GGT7: variants seen among roughly 807,000 people sequenced by gnomAD.
GGT7 encodes the protein glutathione hydrolase 7.
GGT7 carries 30 observed loss-of-function variants against 69.2 expected under a neutral mutation model. The ratio of observed to expected loss-of-function variants is 0.43; its 90% confidence interval spans 0.32 to 0.59. The LOEUF (loss-of-function observed/expected upper bound fraction) is 0.59, where lower values mean the gene tolerates loss of function less well. Among genes scored for constraint, GGT7 ranks in the 20% least tolerant of loss-of-function variants. The pLI is 0.05. For synonymous variants in GGT7, 388 were observed against 391.8 expected, an observed-to-expected ratio of 0.99 and a Z score of 0.12; for missense variants, 733 against 901.1, an observed-to-expected ratio of 0.81 and a Z score of 2.39.
chr20:34,861,138 C>G (rs1208127818), intron 4 of GGT7, among the ~76,000 whole-genome samples: 1 of 152,194 alleles, frequency 6.6e-6, no homozygotes, highest in Non-Finnish European at 1.5e-5. Context: ...AAGTTATAGT[C>G]AACTGGCTCA....
chr20:34,852,158 G>C lies in GGT7; in HGVS notation c.1584C>G (p.Ser528Arg). 1 of 1,595,872 alleles carries C rather than the reference G, an allele frequency of 6.3e-7. No individual in the cohort carries two copies. The highest frequency in any genetic ancestry group is 8.6e-7 in the Non-Finnish European group (1 of 1,163,308). ...AAAGCAGGGAAGCAAATCCTACCAG[G>C]CTGGGTGCAGAGTGGTTAGCTGTCC... ...PNRTANHSAP[S>R]LENSVQPGKR... is the part of the protein sequence containing the mutation. The change falls in exon 12 of 15, where the codon AGC (serine) becomes AGG (arginine). Residue 528 changes from serine to arginine, a missense_variant. Ser to Arg is a moderately radical substitution (Grantham distance 110). Transcript: ENST00000336431.
At chr20:34,851,570 G>C (rs999463547) in intron 12 of GGT7, among the ~76,000 whole-genome samples, 3 of 152,140 alleles carry the variant, frequency 2.0e-5, no homozygotes, top group African/African-American at 7.2e-5. Flanking sequence ...GTGGATGGGG[G>C]AGTGATAAGT....
chr20:34,849,223 C>T (rs887739047), intron 14 of GGT7, among the ~76,000 whole-genome samples: 3 of 150,306 alleles, frequency 2.0e-5, no homozygotes, highest in South Asian at 2.1e-4. Context: ...AGGGCAGTGG[C>T]GTGATCTTGG....
At chr20:34,853,667 A>G (rs1376047913) in intron 10 of GGT7, among the ~76,000 whole-genome samples, 1 of 152,168 alleles carries the variant, frequency 6.6e-6, no homozygotes, top group Non-Finnish European at 1.5e-5. Context: ...ACTTGAAGAC[A>G]TTTATTCAAT....
rs2079630533 is a variant in GGT7 at position 34,863,325 on chromosome 20, G to A, written c.393C>T (p.Phe131=). ...VTVALVMQIY[F]GDPQIFQQGA... Reference sequence around the variant, plus strand: ...TTGTCCCCCTCACCTGGGGGTCCCCGAAGTAGATCTGCATGACCAGCGCCA... The same window carrying A: ...TTGTCCCCCTCACCTGGGGGTCCCCAAAGTAGATCTGCATGACCAGCGCCA... The change falls in exon 2 of 15, where the codon TTC becomes TTT. Residue 131 remains phenylalanine, a synonymous_variant. Coordinates refer to ENST00000336431, the MANE Select transcript of GGT7 (RefSeq NM_178026.3). The surrounding 1 kb of genome is among the most constrained non-coding windows in gnomAD (Gnocchi z 4.4). 2 of 1,609,744 alleles carry A rather than the reference G, an allele frequency of 1.2e-6. No homozygotes were observed. Among genetic ancestry groups the A allele is most frequent in the African/African-American group, 1.3e-5 (1 of 74,662 alleles).
chr20:34,870,177 A>G (rs1232464496), intron 1 of GGT7, among the ~76,000 whole-genome samples: 1 of 152,204 alleles, frequency 6.6e-6, no homozygotes, highest in Admixed American at 6.5e-5. Flanking sequence ...ATTGGGAGAT[A>G]TGGCATTCAA....
Position 34,863,287 on chromosome 20 carries a change from T to C in GGT7, c.405+26A>G. 3 of 1,451,978 alleles carry C rather than the reference T, an allele frequency of 2.1e-6. No individual in the cohort carries two copies. The highest frequency in any genetic ancestry group is 2.9e-6 in the Non-Finnish European group (3 of 1,041,296). The allele number at this position is 1,451,978 out of a possible 1,614,324, so 89.9% of individuals were successfully genotyped here. A position where few individuals can be genotyped will look rare whatever the true frequency, so the allele number is the denominator to read the frequency against. On this transcript the variant is annotated intron_variant, in intron 2 of 14. Coordinates refer to ENST00000336431, the MANE Select transcript of GGT7 (RefSeq NM_178026.3). The surrounding 1 kb of genome is among the most constrained non-coding windows in gnomAD (Gnocchi z 4.4). The stretch of plus-strand genomic sequence containing the variant: ...CCCCACTCCCCACTCCCCAGTTTCC[T>C]CCCCCTCCCCATTTGTCCCCCTCAC...
chr20:34,848,299 G>A (rs1294664716), intron 14 of GGT7, among the ~76,000 whole-genome samples: 1 of 152,092 alleles, frequency 6.6e-6, no homozygotes, highest in Non-Finnish European at 1.5e-5. Context: ...CTCCTGTCCA[G>A]AATGTCCTTT....
Position 34,850,074 on chromosome 20 carries a change from G to A in GGT7, c.1726-14C>T, listed in dbSNP as rs755889670. On this transcript the variant is annotated splice_polypyrimidine_tract_variant and intron_variant, in intron 13 of 14. Coordinates refer to ENST00000336431, the MANE Select transcript of GGT7 (RefSeq NM_178026.3). ...ATTCAGCAGAACCTGTGGTAGCCAAGGTACAGAAAAATCAGGGCTGTCCCA... is the reference window on the plus strand; with the variant it reads ...ATTCAGCAGAACCTGTGGTAGCCAAAGTACAGAAAAATCAGGGCTGTCCCA... 6.3e-7 allele frequency: 1 copy of A among 1,589,814 alleles called. No individual in the cohort carries two copies. The highest frequency in any genetic ancestry group is 8.6e-7 in the Non-Finnish European group (1 of 1,157,944).
intron 14 of GGT7, 72 bp downstream of exon 14, chr20:34,849,889 G>T: frequency 1.2e-6 from 1 of 856,026 alleles, no homozygotes; most frequent in Non-Finnish European, 1.8e-6. Context: ...TTGAGGCATG[G>T]GCACCCTTGG....
intron 14 of GGT7, among the ~76,000 whole-genome samples, chr20:34,847,489 G>A (rs1413279856): frequency 6.6e-6 from 1 of 152,158 alleles, no homozygotes; most frequent in African/African-American, 2.4e-5. Context: ...ACTTTTGGTA[G>A]CTCTTGAGAT....
rs758168191 is a variant in GGT7, at chr20:34,852,379, G to A, written c.1469+10C>T. The A allele has an allele frequency of 6.2e-7, 1 of 1,613,774 alleles. No homozygotes were observed. Among genetic ancestry groups the A allele is most frequent in the Non-Finnish European group, 8.5e-7 (1 of 1,179,830 alleles). On this transcript the variant is annotated intron_variant, in intron 11 of 14. Coordinates refer to ENST00000336431, the MANE Select transcript of GGT7 (RefSeq NM_178026.3). ...CCCTTGTTCCAGGTTCTGAGTCTGA[G>A]CTGGCATACCTAACCATGGCCACAA... is the stretch of plus-strand genomic sequence containing the variant.
intron 13 of GGT7, chr20:34,850,887 C>T: frequency 3.3e-6 from 2 of 597,846 alleles, no homozygotes; most frequent in South Asian, 2.8e-5. Context: ...TCAAATCCCA[C>T]CCTAAAGAGG....
rs151243493 is a variant in GGT7 at position 34,849,540 on chromosome 20, A to G, written c.1825+421T>C. Among the ~76,000 whole-genome samples the G allele has an allele frequency of 3.3e-5, 5 of 152,248 alleles. No individual in the cohort carries two copies. In the East Asian group the frequency reaches 7.7e-4, roughly 24 times the overall value. On this transcript the variant is annotated intron_variant, in intron 14 of 14. Transcript: ENST00000336431. ...CCTTGATCATTGAGTCCGTCCTATT[A>G]TATCACCCTGCTTTGACAGTTGGCA...
intron 5 of GGT7, 22 bp from the exon 6 acceptor site, chr20:34,860,064 G>A: frequency 7.5e-7 from 1 of 1,331,736 alleles, no homozygotes; most frequent in Non-Finnish European, 1.1e-6. Flanking sequence ...GGAGAGCAGG[G>A]GGTGGAGGAG....
rs763058943 is a variant in GGT7, at chr20:34,861,576, A to G, written c.558-14T>C. ...ATCACGCCCCCACTGGGAGAGACAC[A>G]GAAGGGGAAGTGTGATGATAACATG... On this transcript the variant is annotated splice_polypyrimidine_tract_variant and intron_variant, in intron 3 of 14. Coordinates refer to ENST00000336431, the MANE Select transcript of GGT7 (RefSeq NM_178026.3). The G allele has an allele frequency of 7.1e-7, 1 of 1,402,486 alleles. No individual in the cohort carries two copies. The highest frequency in any genetic ancestry group is 9.6e-7 in the Non-Finnish European group (1 of 1,044,014). 86.9% of individuals were successfully genotyped at this position (1,402,486 alleles called of 1,614,324 possible). A position where few individuals can be genotyped will look rare whatever the true frequency, so the allele number is the denominator to read the frequency against.
chr20:34,858,944 G>A (rs2146909422), intron 7 of GGT7, among the ~76,000 whole-genome samples: 1 of 152,342 alleles, frequency 6.6e-6, no homozygotes, highest in South Asian at 2.1e-4. Context: ...GCCAGGACAG[G>A]TGGATCTCTT....
intron 14 of GGT7, among the ~76,000 whole-genome samples, chr20:34,849,363 G>C (rs1568928316): frequency 7.5e-6 from 1 of 133,242 alleles, no homozygotes; most frequent in Non-Finnish European, 1.7e-5. Context: ...GGGGGGTGGA[G>C]GGGGGTCTCA....
At chr20:34,866,546 C>CT (rs11476486) in intron 1 of GGT7, among the ~76,000 whole-genome samples, 41 of 147,360 alleles carry the variant, frequency 2.8e-4, no homozygotes, top group Non-Finnish European at 1.5e-4. Flanking sequence ...CTCACTATTG[C>CT]TTTTTTTTTT....
Sources: gnomAD v4.1 joint callset for allele counts (sites outside exome capture counted in the v4.1 genomes callset) on GRCh38, gnomAD v4.1.1 for gene constraint, Gnocchi (gnomAD v3.1) non-coding constraint, MANE v1.5 for transcripts, NCBI Gene and HGNC (gene_info 2026-07-23, HGNC 2026-07-21) for gene names.